Variants in LRRIQ1 observed in about 807,000 individuals in gnomAD.
LRRIQ1 encodes leucine rich repeats and IQ motif containing 1, also known as leucine-rich repeat- and IQ domain-containing protein 1.
Under a neutral mutation model 211.9 loss-of-function variants are expected in LRRIQ1, and 210 were observed. That is an observed-to-expected ratio of 0.99 (90% CI 0.89 to 1.11). The LOEUF is 1.11. Ranked by LOEUF, LRRIQ1 falls within the 50% of genes most tolerant of loss-of-function variation. The pLI is 0.00. For synonymous variants in LRRIQ1, 699 were observed against 650.1 expected (o/e 1.08, Z -1.14); for missense variants, 2,136 against 1,939.5 (o/e 1.10, Z -1.90).
chr12:85,234,611 C>A lies in LRRIQ1; in HGVS notation c.5016+1855C>A, dbSNP rs76269262. On this transcript the variant is annotated intron_variant, in intron 26 of 26. Coordinates refer to ENST00000393217, the MANE Select transcript of LRRIQ1 (RefSeq NM_001079910.2). ...AGAAGAGTATTGGAGAATGAAAGCA[C>A]CCCACTTGCCCACTTGTGCCAGGGA... Among the ~76,000 whole-genome samples, 1,351 of 152,118 alleles carry A rather than the reference C, an allele frequency of 8.9e-3. 21 individuals carry two copies. Among genetic ancestry groups the A allele is most frequent in the African/African-American group, 0.031 (1,305 of 41,504 alleles).
intron 24 of LRRIQ1, among the ~76,000 whole-genome samples, chr12:85,161,672 A>G (rs1465275206): frequency 1.3e-5 from 2 of 152,120 alleles, no homozygotes; most frequent in East Asian, 3.9e-4. Flanking sequence ...TTAACCACCA[A>G]ATTTACACCA....
intron 24 of LRRIQ1, among the ~76,000 whole-genome samples, chr12:85,225,443 G>T (rs1894605097): frequency 6.6e-6 from 1 of 152,152 alleles, no homozygotes; most frequent in African/African-American, 2.4e-5. Flanking sequence ...GATAATGGTG[G>T]TTGCAGATTG....
At chr12:85,181,478 A>C (rs544046951) in intron 24 of LRRIQ1, among the ~76,000 whole-genome samples, 12 of 152,056 alleles carry the variant, frequency 7.9e-5, no homozygotes, top group African/African-American at 2.9e-4. Flanking sequence ...CTTTGTACCA[A>C]TGACCTTAAA....
chr12:85,124,440 A>G lies in LRRIQ1; in HGVS notation c.3928A>G (p.Ile1310Val). The part of the protein sequence containing the change: ...EDSKASSIPT[I>V]RIPFKEVVMT... Reference sequence around the variant, plus strand: ...CAGCAAGGCAAGCAGTATTCCCACCATAAGAATCCCATTTAAGGAAGTAGT... The same window carrying G: ...CAGCAAGGCAAGCAGTATTCCCACCGTAAGAATCCCATTTAAGGAAGTAGT... The change falls in exon 17 of 27, where the codon ATA becomes GTA. Residue 1310 changes from isoleucine to valine, a missense_variant. Physicochemically the swap from Ile to Val is conservative, Grantham distance 29. Transcript: ENST00000393217. 6 of 1,613,978 alleles carry G rather than the reference A, an allele frequency of 3.7e-6. No homozygotes were observed. In the East Asian group the frequency reaches 6.7e-5, roughly 18 times the overall value.
intron 8 of LRRIQ1, among the ~76,000 whole-genome samples, chr12:85,058,413 A>T (rs1226662808): frequency 1.3e-5 from 2 of 152,018 alleles, no homozygotes; most frequent in African/African-American, 4.8e-5. Context: ...CAGGCCTTCC[A>T]ATATGATAAC....
intron 23 of LRRIQ1, among the ~76,000 whole-genome samples, chr12:85,159,269 T>G (rs1331645550): frequency 6.6e-6 from 1 of 152,068 alleles, no homozygotes; most frequent in Non-Finnish European, 1.5e-5. Context: ...TTCTGTTCAG[T>G]GCACTGTGTT....
intron 1 of LRRIQ1, among the ~76,000 whole-genome samples, chr12:85,253,544 A>T (rs1013427386): frequency 6.6e-6 from 1 of 152,044 alleles, no homozygotes; most frequent in African/African-American, 2.4e-5. Flanking sequence ...CAGAACCACA[A>T]CATTCTCATT....
intron 24 of LRRIQ1, among the ~76,000 whole-genome samples, chr12:85,189,937 A>G (rs1264921816): frequency 4.2e-5 from 6 of 143,000 alleles, no homozygotes; most frequent in Non-Finnish European, 7.6e-5. Context: ...AATAATAATT[A>G]TATTATTGTA....
rs1183460878 is a variant in LRRIQ1, at chr12:85,121,691, C to T, written c.3378-6C>T. The stretch of plus-strand genomic sequence containing the variant: ...GGATTATTAACTTTTTTGTTGTTTT[C>T]AATAGGGATTCTCTACTTAAAGTGT... On this transcript the variant is annotated splice_region_variant and splice_polypyrimidine_tract_variant and intron_variant, in intron 15 of 26. Coordinates refer to ENST00000393217, the MANE Select transcript of LRRIQ1 (RefSeq NM_001079910.2). 6.4e-7 allele frequency: 1 copy of T among 1,553,728 alleles called. No individual in the cohort carries two copies. The highest frequency in any genetic ancestry group is 2.0e-5 in the Admixed American group (1 of 48,850).
At chr12:85,078,746 C>G (rs1883945312) in intron 11 of LRRIQ1, among the ~76,000 whole-genome samples, 1 of 151,998 alleles carries the variant, frequency 6.6e-6, no homozygotes. Flanking sequence ...AGATGCAGGA[C>G]TGTTTTACAT....
In LRRIQ1 at chr12:85,150,985, A is replaced by T. The variant is rs189204477; in HGVS notation, c.4330-1295A>T. 1.0e-3 allele frequency among the ~76,000 whole-genome samples: 152 copies of T among 151,672 alleles called. 1 individual carries two copies. The highest frequency in any genetic ancestry group is 9.9e-3 in the South Asian group (48 of 4,828). On this transcript the variant is annotated intron_variant, in intron 19 of 26. Transcript: ENST00000393217. Reference sequence around the variant, plus strand: ...TTTGTGGTGAGAATGCTTAAAATGTATTCTCTTAATGATTTTCAAGAATAT... The same window carrying T: ...TTTGTGGTGAGAATGCTTAAAATGTTTTCTCTTAATGATTTTCAAGAATAT...
intron 24 of LRRIQ1, among the ~76,000 whole-genome samples, chr12:85,223,294 A>T (rs1334602374): frequency 6.6e-6 from 1 of 152,146 alleles, no homozygotes; most frequent in Non-Finnish European, 1.5e-5. Flanking sequence ...TACTTGTAAA[A>T]TTGGGAGCAC....
At chr12:85,094,355 T>A (rs1277737909) in intron 11 of LRRIQ1, among the ~76,000 whole-genome samples, 4 of 152,108 alleles carry the variant, frequency 2.6e-5, no homozygotes, top group African/African-American at 4.8e-5. Flanking sequence ...GTAATAATAA[T>A]AAAAATAAAT....
chr12:85,151,649 A>G (rs894160068), intron 19 of LRRIQ1, among the ~76,000 whole-genome samples: 3 of 151,684 alleles, frequency 2.0e-5, no homozygotes, highest in African/African-American at 7.3e-5. Context: ...TGGAAATTCC[A>G]TAAATTGGAG....
chr12:85,256,110 T>G (rs1565930894), intron 1 of LRRIQ1, among the ~76,000 whole-genome samples: 1 of 151,614 alleles, frequency 6.6e-6, no homozygotes, highest in Non-Finnish European at 1.5e-5. Context: ...AGAATAATGT[T>G]TACGGAGCTA....
At chr12:85,043,081 C>T (rs370677531) in intron 3 of LRRIQ1, among the ~76,000 whole-genome samples, 12 of 151,958 alleles carry the variant, frequency 7.9e-5, no homozygotes, top group East Asian at 1.9e-4. Flanking sequence ...TTGTAGAGAA[C>T]GGGCACTAGC....
At chr12:85,268,495 G>A (rs1896469564), downstream of LRRIQ1, among the ~76,000 whole-genome samples, 1 of 151,790 alleles carries the variant, frequency 6.6e-6, no homozygotes, top group Non-Finnish European at 1.5e-5. Flanking sequence ...CATATTCTCT[G>A]TAAAATAAAT....
At position 85,263,036 on chromosome 12, in the gene LRRIQ1, AAAG is replaced by A. The variant is rs1288583300; in HGVS notation, c.247_249del (p.Lys83del). The A allele has an allele frequency of 4.0e-5, 40 of 988,050 alleles. No homozygotes were observed. The East Asian group carries it at 2.2e-3, about 53-fold the overall frequency. The allele number at this position is 988,050 out of a possible 1,614,324, so 61.2% of individuals were successfully genotyped here. ...TCAGTGGTGGATGGGGAAGTGGCAA[AAAG>A]AAGGCGAACATTTCCAACTAATCCT... On this transcript the variant is annotated inframe_deletion, in exon 2 of 2. Coordinates refer to the LRRIQ1 transcript ENST00000602731.
chr12:85,112,802 A>G (rs998795346), intron 15 of LRRIQ1, among the ~76,000 whole-genome samples: 1 of 152,086 alleles, frequency 6.6e-6, no homozygotes, highest in Non-Finnish European at 1.5e-5. Context: ...TCATTCTCTT[A>G]TAGATAAGAT....
Sources: allele counts gnomAD v4.1 joint callset (sites outside exome capture counted in the v4.1 genomes callset), GRCh38; gene constraint gnomAD v4.1.1; transcripts MANE v1.5; gene names NCBI Gene and HGNC (gene_info 2026-07-23, HGNC 2026-07-21).